The following TBR1 variants were observed in gnomAD, a reference collection of about 807,000 sequenced individuals.
The protein encoded by TBR1 is T-box brain protein 1.
In TBR1, 7 loss-of-function variants were observed where a neutral mutation model predicts 60.3. The ratio of observed to expected loss-of-function variants is 0.12; its 90% confidence interval spans 0.07 to 0.22. The LOEUF is 0.22. Among genes scored for constraint, TBR1 ranks in the 10% least tolerant of loss-of-function variants. The pLI, the probability that TBR1 is intolerant of heterozygous loss-of-function variation, is 1.00. For synonymous variants in TBR1, 417 were observed against 409.9 expected, an observed-to-expected ratio of 1.02 and a Z score of -0.21; for missense variants, 616 against 936.8, an observed-to-expected ratio of 0.66 and a Z score of 4.47.
intron 5 of TBR1, chr2:161,423,059 C>T (rs1178137781): frequency 3.4e-6 from 1 of 292,314 alleles, no homozygotes; most frequent in Non-Finnish European, 6.3e-6. Flanking sequence ...TTGTGCCCCT[C>T]TCTCAGTACC....
chr2:161,419,249 T>G, intron 4 of TBR1, 199 bp downstream of exon 4: 1 of 707,626 alleles, frequency 1.4e-6, no homozygotes, highest in Non-Finnish European at 2.2e-6. Flanking sequence ...GGGAAAAAGC[T>G]TTCTATTTGT....
intron 2 of TBR1, 36 bp from the exon 3 acceptor site, chr2:161,418,165 C>A: frequency 6.3e-7 from 1 of 1,592,044 alleles, no homozygotes; most frequent in South Asian, 1.2e-5. Flanking sequence ...TGGGCAGTGC[C>A]AGGGGCATAT....
chr2:161,423,994 C>A lies in TBR1; in HGVS notation c.1816C>A (p.Pro606Thr), dbSNP rs1684280120. The change falls in exon 6 of 6, where the codon CCC (proline) becomes ACC (threonine). Residue 606 changes from proline (P) to threonine (T), a missense_variant. Pro to Thr is a conservative substitution (Grantham distance 38, BLOSUM62 -1). Around this residue, in one of 8 missense-constraint regions of TBR1, gnomAD observed 210 missense variants for 297.4 expected, o/e 0.71. Transcript: ENST00000389554. Reference sequence around the variant, plus strand: ...GCCCGGCGCCGCCGAGGACGCCAAGCCCAAGGACCTGTCCGATTCCAGCTG... The same window carrying A: ...GCCCGGCGCCGCCGAGGACGCCAAGACCAAGGACCTGTCCGATTCCAGCTG... ...LPPGAAEDAK[P>T]KDLSDSSWIE... 1 of 1,564,376 alleles carries A rather than the reference C, an allele frequency of 6.4e-7. No homozygotes were observed. Among genetic ancestry groups the A allele is most frequent in the Non-Finnish European group, 8.7e-7 (1 of 1,154,934 alleles).
At position 161,418,206 on chromosome 2, in the gene TBR1, C is replaced by A. The variant is rs754584509; in HGVS notation, c.853C>A (p.Arg285=). Residue 285 remains arginine (R), a synonymous_variant, in exon 3 of 6, where the codon CGG becomes AGG. Coordinates refer to ENST00000389554, the MANE Select transcript of TBR1 (RefSeq NM_006593.4). Reference sequence around the variant, plus strand: ...CAATGTATTTCTTTCTCTAGGAAATCGGGTCTATATGCATCCGGATTCCCC... The same window carrying A: ...CAATGTATTTCTTTCTCTAGGAAATAGGGTCTATATGCATCCGGATTCCCC... The part of the protein sequence containing the change: ...GKADTNVQGN[R]VYMHPDSPNT... The A allele has an allele frequency of 8.7e-6, 14 of 1,610,448 alleles. 1 individual carries two copies. In the South Asian group the frequency reaches 1.4e-4, roughly 17 times the overall value.
At position 161,416,816 on chromosome 2, in the gene TBR1, G is replaced by A. The variant is rs763065937; in HGVS notation, c.406G>A (p.Ala136Thr). Residue 136 changes from alanine to threonine, a missense_variant, in exon 1 of 6, where the codon GCC becomes ACC. This residue lies in a region of TBR1 where 211 missense variants were observed against 268.7 expected (regional missense o/e 0.79). Coordinates refer to ENST00000389554, the MANE Select transcript of TBR1 (RefSeq NM_006593.4). The surrounding 1 kb of genome is among the most constrained non-coding windows in gnomAD (Gnocchi z 6.1). ...YPGQHGPAHPAFSIGSPSRYM... is the reference protein window; with the variant it reads ...YPGQHGPAHPTFSIGSPSRYM... ...CGGCCAGCACGGACCGGCGCACCCCGCCTTCTCCATCGGCAGCCCTAGCCG... is the reference window on the plus strand; with the variant it reads ...CGGCCAGCACGGACCGGCGCACCCCACCTTCTCCATCGGCAGCCCTAGCCG... The A allele has an allele frequency of 3.1e-6, 5 of 1,613,938 alleles. No individual in the cohort carries two copies. The highest frequency in any genetic ancestry group is 1.1e-5 in the South Asian group (1 of 91,076).
At position 161,423,758 on chromosome 2, in the gene TBR1, A is replaced by G; in HGVS notation, c.1580A>G (p.Gln527Arg). The G allele has an allele frequency of 6.7e-7, 1 of 1,495,348 alleles. No homozygotes were observed. Among genetic ancestry groups the G allele is most frequent in the East Asian group, 2.7e-5 (1 of 36,854 alleles). 92.6% of individuals were successfully genotyped at this position (1,495,348 alleles called of 1,614,324 possible). Residue 527 changes from glutamine to arginine, a missense_variant, in exon 6 of 6, where the codon CAG becomes CGG. By Grantham distance (43) the Gln-to-Arg change is conservative (BLOSUM62 1). This residue lies in a region of TBR1 where 210 missense variants were observed against 297.4 expected (regional missense o/e 0.71). Transcript: ENST00000389554. Reference sequence around the variant, plus strand: ...GCGGGCGTGAAGGCGCTGCCGCTGCAGGCTGCAGGCTGCACTGGCCGCCCG... The same window carrying G: ...GCGGGCGTGAAGGCGCTGCCGCTGCGGGCTGCAGGCTGCACTGGCCGCCCG... The part of the protein sequence containing the change: ...AAAGVKALPL[Q>R]AAGCTGRPLG...
chr2:161,418,792 G>A (rs529462810), intron 3 of TBR1, 100 bp from the exon 4 acceptor site: 4 of 1,467,940 alleles, frequency 2.7e-6, no homozygotes, highest in Middle Eastern at 4.8e-4. Flanking sequence ...GCTGCAGGCT[G>A]CCTCCGCCGG....
chr2:161,425,664 G>A lies in TBR1; in HGVS notation c.*1437G>A, dbSNP rs1334680624. 1 of 152,150 alleles carries A rather than the reference G, an allele frequency of 6.6e-6. No individual in the cohort carries two copies. The highest frequency in any genetic ancestry group is 2.4e-5 in the African/African-American group (1 of 41,412). The allele number at this position is 152,150 out of a possible 1,614,324, so 9.4% of individuals were successfully genotyped here. ...CAATCTAGATTCCAGTCCATGGGGG[G>A]ATTTTTCCTAATAGGAATTCAGGGT... On this transcript the variant is annotated 3_prime_UTR_variant, in exon 6 of 6. Coordinates refer to ENST00000389554, the MANE Select transcript of TBR1 (RefSeq NM_006593.4).
rs765604503 is a variant in TBR1 at position 161,418,165 on chromosome 2, C to G, written c.848-36C>G. On this transcript the variant is annotated intron_variant, in intron 2 of 5. Transcript: ENST00000389554. Reference sequence around the variant, plus strand: ...GTGAGGAGCTGGGACTGGGCAGTGCCAGGGGCATATGTAAACAATGTATTT... The same window carrying G: ...GTGAGGAGCTGGGACTGGGCAGTGCGAGGGGCATATGTAAACAATGTATTT... 4.4e-6 allele frequency: 7 copies of G among 1,591,928 alleles called. No homozygotes were observed. In the African/African-American group the frequency reaches 9.5e-5, roughly 21 times the overall value.
At chr2:161,418,805 C>G in intron 3 of TBR1, 87 bp from the exon 4 acceptor site, 4 of 1,505,358 alleles carry the variant, frequency 2.7e-6, no homozygotes, top group Non-Finnish European at 1.8e-6. Context: ...TCCGCCGGCC[C>G]GGGCGCGCAG....
intron 2 of TBR1, 130 bp from the exon 3 acceptor site, chr2:161,418,071 C>T (rs985402717): frequency 4.1e-6 from 6 of 1,468,194 alleles, no homozygotes; most frequent in Non-Finnish European, 5.4e-6. Flanking sequence ...AGTTAATGGG[C>T]TTCATGGTGG....
rs1559060172 is a variant in TBR1 at position 161,417,113 on chromosome 2, A to G, written c.692+11A>G. On this transcript the variant is annotated intron_variant, in intron 1 of 5. Coordinates refer to ENST00000389554, the MANE Select transcript of TBR1 (RefSeq NM_006593.4). The surrounding 1 kb of genome is among the most constrained non-coding windows in gnomAD (Gnocchi z 5.3). ...CACCAAACAGGGAAGGTAATACTAC[A>G]TTTTTGGCTGCCGCTGCTCTAGGCG... 2 of 1,569,088 alleles carry G rather than the reference A, an allele frequency of 1.3e-6. No homozygotes were observed. Among genetic ancestry groups the G allele is most frequent in the Non-Finnish European group, 1.7e-6 (2 of 1,157,076 alleles).
chr2:161,417,856 T>C lies in TBR1; in HGVS notation c.847+26T>C, dbSNP rs1574149580. Reference sequence around the variant, plus strand: ...GCAAGTCCTTCCAATTAACACATTTTCTTGACACTTATTTAGGTGAGAATG... The same window carrying C: ...GCAAGTCCTTCCAATTAACACATTTCCTTGACACTTATTTAGGTGAGAATG... On this transcript the variant is annotated intron_variant, in intron 2 of 5. Transcript: ENST00000389554. The surrounding 1 kb of genome is among the most constrained non-coding windows in gnomAD (Gnocchi z 5.3). 1 of 1,611,518 alleles carries C rather than the reference T, an allele frequency of 6.2e-7. No individual in the cohort carries two copies. Among genetic ancestry groups the C allele is most frequent in the Non-Finnish European group, 8.5e-7 (1 of 1,178,850 alleles).
At chr2:161,418,861 C>A (rs1447438704) in intron 3 of TBR1, 31 bp from the exon 4 acceptor site, 5 of 1,597,310 alleles carry the variant, frequency 3.1e-6, no homozygotes, top group Non-Finnish European at 4.3e-6. Flanking sequence ...TAACACGCCA[C>A]CCGGCGCTCC....
chr2:161,418,948 G>A lies in TBR1; in HGVS notation c.1026G>A (p.Val342=), dbSNP rs760120958. ...KYQPRLHVVE[V]NEDGTEDTSQ... is the part of the protein sequence containing the mutation. ...AGCCCCGCCTGCATGTGGTGGAAGT[G>A]AACGAGGACGGCACGGAGGACACTA... Residue 342 remains valine, a synonymous_variant, in exon 4 of 6, where the codon GTG becomes GTA. Coordinates refer to ENST00000389554, the MANE Select transcript of TBR1 (RefSeq NM_006593.4). The A allele has an allele frequency of 6.2e-7, 1 of 1,614,246 alleles. No homozygotes were observed. Among genetic ancestry groups the A allele is most frequent in the South Asian group, 1.1e-5 (1 of 91,088 alleles).
chr2:161,417,173 C>G lies in TBR1; in HGVS notation c.692+71C>G. 6.8e-7 allele frequency: 1 copy of G among 1,462,096 alleles called. No individual in the cohort carries two copies. 90.6% of individuals were successfully genotyped at this position (1,462,096 alleles called of 1,614,324 possible). A position where few individuals can be genotyped will look rare whatever the true frequency, so the allele number is the denominator to read the frequency against. ...ACAAGTGCACCTAGGCTGTGACTGC[C>G]GCGGCAGCGACGATTTGGGGTCGGG... On this transcript the variant is annotated intron_variant, in intron 1 of 5. Transcript: ENST00000389554. The surrounding 1 kb of genome is among the most constrained non-coding windows in gnomAD (Gnocchi z 5.3).
intron 3 of TBR1, 148 bp from the exon 4 acceptor site, chr2:161,418,744 G>T: frequency 8.9e-7 from 1 of 1,118,292 alleles, no homozygotes; most frequent in Non-Finnish European, 1.2e-6. Context: ...CCAGCCGCCA[G>T]CCAGGCGAGT....
At position 161,424,526 on chromosome 2, in the gene TBR1, T is replaced by A. The variant is rs1220115639; in HGVS notation, c.*299T>A. 5.8e-6 allele frequency: 2 copies of A among 345,044 alleles called. No individual in the cohort carries two copies. The highest frequency in any genetic ancestry group is 1.1e-5 in the Non-Finnish European group (2 of 187,854). The allele number at this position is 345,044 out of a possible 1,614,324, so 21.4% of individuals were successfully genotyped here. On this transcript the variant is annotated 3_prime_UTR_variant, in exon 6 of 6. Transcript: ENST00000389554. The surrounding 1 kb of genome is among the most constrained non-coding windows in gnomAD (Gnocchi z 4.4). The stretch of plus-strand genomic sequence containing the variant: ...AATTCCCCTCCCCCTCGTCTTTCTC[T>A]TACCTCCTACTTCTCTTTCTTGTAA...
In TBR1 at chr2:161,420,468, C is replaced by T. The variant is rs928172646; in HGVS notation, c.1190+211C>T. The T allele has an allele frequency of 1.8e-5, 4 of 216,374 alleles. No individual in the cohort carries two copies. The Admixed American group carries it at 2.2e-4, about 12-fold the overall frequency. 13.4% of individuals were successfully genotyped at this position (216,374 alleles called of 1,614,324 possible). On this transcript the variant is annotated intron_variant, in intron 5 of 5. Coordinates refer to ENST00000389554, the MANE Select transcript of TBR1 (RefSeq NM_006593.4). The stretch of plus-strand genomic sequence containing the variant: ...GTTGGCTCCCCTTCTCTCTGGTGAC[C>T]TTGTGGCTTGGTACTTGCGTGGTTT...
Sources: gnomAD v4.1 joint callset for allele counts on GRCh38, gnomAD v4.1.1 for gene constraint, gnomAD v4.1.1 regional missense constraint, Gnocchi (gnomAD v3.1) non-coding constraint, MANE v1.5 for transcripts, NCBI Gene and HGNC (gene_info 2026-07-23, HGNC 2026-07-21) for gene names.